Variants in BTN2A2 observed in about 807,000 individuals in gnomAD.
The protein encoded by BTN2A2 is butyrophilin subfamily 2 member A2.
In BTN2A2, 29 loss-of-function variants were observed where a neutral mutation model predicts 34.7. That is an observed-to-expected ratio of 0.84 (90% confidence interval 0.62 to 1.14). The LOEUF is 1.14. BTN2A2 is among the 50% of genes most tolerant of loss of function. BTN2A2 has a pLI of 0.00. For synonymous variants in BTN2A2, 240 were observed against 253.1 expected, an observed-to-expected ratio of 0.95 and a Z score of 0.49; for missense variants, 612 against 651.5, an observed-to-expected ratio of 0.94 and a Z score of 0.66.
rs757721675 is a variant in BTN2A2 at position 26,383,910 on chromosome 6, T to TCTCA, written c.90_93dup (p.Ala32LeufsTer11). 1 of 1,613,650 alleles carries TCTCA rather than the reference T, an allele frequency of 6.2e-7. No homozygotes were observed. ...CTCCTTCTCAGCCTGTGTGCACTGGTCTCAGGTAGGGATGTGTGTCACTTG... is the reference window on the plus strand; with the variant it reads ...CTCCTTCTCAGCCTGTGTGCACTGGTCTCACTCAGGTAGGGATGTGTGTCACTTG... On this transcript the variant is annotated frameshift_variant, in exon 2 of 8. Transcript: ENST00000356709. LOFTEE classifies it high-confidence loss of function. The surrounding 1 kb of genome is among the most constrained non-coding windows in gnomAD (Gnocchi z 4.4).
chr6:26,393,690 T>C lies in BTN2A2; in HGVS notation c.*723T>C. The C allele has an allele frequency of 9.1e-6, 9 of 990,982 alleles. No individual in the cohort carries two copies. Among genetic ancestry groups the C allele is most frequent in the Non-Finnish European group, 1.1e-5 (9 of 833,612 alleles). The allele number at this position is 990,982 out of a possible 1,614,324, so 61.4% of individuals were successfully genotyped here. A position where few individuals can be genotyped will look rare whatever the true frequency, so the allele number is the denominator to read the frequency against. On this transcript the variant is annotated 3_prime_UTR_variant, in exon 8 of 8. Transcript: ENST00000356709. Reference sequence around the variant, plus strand: ...TGAGTGTGGTTGAGGTTTGAGGTCCTGGTCGAGCAGGGCAGTACTGGACCA... The same window carrying C: ...TGAGTGTGGTTGAGGTTTGAGGTCCCGGTCGAGCAGGGCAGTACTGGACCA...
chr6:26,394,133 T>G lies in BTN2A2; in HGVS notation c.*1166T>G. On this transcript the variant is annotated 3_prime_UTR_variant, in exon 8 of 8. Transcript: ENST00000356709. ...ACTTTACTGCACACTACTGAGAGAATGAGATGAAAAACGATTAATGTTTCA... is the reference window on the plus strand; with the variant it reads ...ACTTTACTGCACACTACTGAGAGAAGGAGATGAAAAACGATTAATGTTTCA... The G allele has an allele frequency of 1.8e-6, 1 of 565,758 alleles. No individual in the cohort carries two copies. The allele number at this position is 565,758 out of a possible 1,614,324, so 35.0% of individuals were successfully genotyped here.
At chr6:26,392,148 C>T (rs565126147) in intron 7 of BTN2A2, 41 of 1,387,366 alleles carry the variant, frequency 3.0e-5, no homozygotes, top group Non-Finnish European at 4.0e-5. Flanking sequence ...TTTCATAGAG[C>T]CACAATTCTT....
chr6:26,386,389 G>T (rs142310458), intron 3 of BTN2A2, among the ~76,000 whole-genome samples: 3 of 152,186 alleles, frequency 2.0e-5, no homozygotes, highest in African/African-American at 7.2e-5. Context: ...AGAATAATTC[G>T]TGGTGACATT....
In BTN2A2 at chr6:26,383,799, G is replaced by A; in HGVS notation, c.-23G>A. 6.2e-7 allele frequency: 1 copy of A among 1,611,630 alleles called. No individual in the cohort carries two copies. On this transcript the variant is annotated 5_prime_UTR_variant, in exon 2 of 8. Coordinates refer to ENST00000356709, the MANE Select transcript of BTN2A2 (RefSeq NM_006995.5). The surrounding 1 kb of genome is among the most constrained non-coding windows in gnomAD (Gnocchi z 4.4). ...CCTCCTCTGTAACCCTAGGCCTCTG[G>A]TCTCTGCCTGCCCTGGGTGCTCATG... is the stretch of plus-strand genomic sequence containing the variant.
intron 3 of BTN2A2, 46 bp from the exon 4 acceptor site, chr6:26,387,967 C>A: frequency 6.4e-7 from 1 of 1,571,310 alleles, no homozygotes; most frequent in Non-Finnish European, 8.6e-7. Context: ...GCAGTAGGGG[C>A]TAAGATACCA....
rs111615265 is a variant in BTN2A2 at position 26,392,774 on chromosome 6, A to G, written c.1379A>G (p.Tyr460Cys). ...TATGAAGCTGGAGATGTCTCCTTCT[A>G]CAACATGAGGGACAGATCGCACATC... ...LDYEAGDVSF[Y>C]NMRDRSHIYT... Residue 460 changes from tyrosine (Y) to cysteine (C), a missense_variant, in exon 8 of 8, where the codon TAC becomes TGC. Coordinates refer to ENST00000356709, the MANE Select transcript of BTN2A2 (RefSeq NM_006995.5). The G allele has an allele frequency of 7.0e-4, 1,131 of 1,613,762 alleles. 6 individuals carry two copies. In the African/African-American group the frequency reaches 9.2e-3, roughly 13 times the overall value.
chr6:26,383,680 T>C lies in BTN2A2; in HGVS notation c.-30-112T>C. 1 of 764,718 alleles carries C rather than the reference T, an allele frequency of 1.3e-6. No individual in the cohort carries two copies. Among genetic ancestry groups the C allele is most frequent in the Non-Finnish European group, 2.3e-6 (1 of 443,354 alleles). 47.4% of individuals were successfully genotyped at this position (764,718 alleles called of 1,614,324 possible). On this transcript the variant is annotated intron_variant, in intron 1 of 7. Transcript: ENST00000356709. This position sits in a 1 kb window ranked among gnomAD's most constrained non-coding sequence, Gnocchi z 4.4. Reference sequence around the variant, plus strand: ...ACCTGAGCCTTGAGATGCAAGCGACTCCCAGAAGTTGGGGCACCGATGAGA... The same window carrying C: ...ACCTGAGCCTTGAGATGCAAGCGACCCCCAGAAGTTGGGGCACCGATGAGA...
In BTN2A2 at chr6:26,393,075, A is replaced by T; in HGVS notation, c.*108A>T. ...CGCCCTCCTCCCCTCTGGTCACGTA[A>T]GAGAACATCTTCCAGCTGCCTTTTT... On this transcript the variant is annotated 3_prime_UTR_variant, in exon 8 of 8. Coordinates refer to ENST00000356709, the MANE Select transcript of BTN2A2 (RefSeq NM_006995.5). 1 of 1,611,320 alleles carries T rather than the reference A, an allele frequency of 6.2e-7. No individual in the cohort carries two copies. Among genetic ancestry groups the T allele is most frequent in the Non-Finnish European group, 8.5e-7 (1 of 1,178,598 alleles).
chr6:26,386,297 C>T (rs1212721873), intron 3 of BTN2A2, among the ~76,000 whole-genome samples: 2 of 152,104 alleles, frequency 1.3e-5, no homozygotes, highest in Non-Finnish European at 2.9e-5. Context: ...AAAAGTGACA[C>T]TAAGTGATTA....
chr6:26,390,699 A>G lies in BTN2A2; in HGVS notation c.944A>G (p.Glu315Gly), dbSNP rs1028842172. ...EEKEIAQQLQ[E>G]ELRWRRTFLH... ...ATTTTGTTTTCAGAGCAACTTCAAGAAGAATTGCGTAAGTTTAGCCTTTCC... is the reference window on the plus strand; with the variant it reads ...ATTTTGTTTTCAGAGCAACTTCAAGGAGAATTGCGTAAGTTTAGCCTTTCC... The change falls in exon 6 of 8, where the codon GAA becomes GGA. Residue 315 changes from glutamate to glycine, a missense_variant. By Grantham distance (98) the Glu-to-Gly change is moderately conservative. Transcript: ENST00000356709. The G allele has an allele frequency of 6.2e-7, 1 of 1,614,128 alleles. No homozygotes were observed. Among genetic ancestry groups the G allele is most frequent in the African/African-American group, 1.3e-5 (1 of 74,932 alleles).
chr6:26,394,440 A>G lies in BTN2A2; in HGVS notation c.*1473A>G. ...CTTCTGTTGGCTGGGTGCCCAATAC[A>G]ACAAAAAGGCAGAGGAAAGGCAAAT... On this transcript the variant is annotated 3_prime_UTR_variant, in exon 8 of 8. Transcript: ENST00000356709. 1.6e-6 allele frequency: 1 copy of G among 644,234 alleles called. No individual in the cohort carries two copies. The highest frequency in any genetic ancestry group is 1.8e-5 in the African/African-American group (1 of 55,762). The allele number at this position is 644,234 out of a possible 1,614,324, so 39.9% of individuals were successfully genotyped here.
rs1374364031 is a variant in BTN2A2 at position 26,383,480 on chromosome 6, C to T, written c.-31+299C>T. The T allele has an allele frequency of 3.8e-6, 1 of 264,208 alleles. No individual in the cohort carries two copies. 16.4% of individuals were successfully genotyped at this position (264,208 alleles called of 1,614,324 possible). A position where few individuals can be genotyped will look rare whatever the true frequency, so the allele number is the denominator to read the frequency against. On this transcript the variant is annotated intron_variant, in intron 1 of 7. Transcript: ENST00000356709. This position sits in a 1 kb window ranked among gnomAD's most constrained non-coding sequence, Gnocchi z 4.4. ...CCTGGCTTTACCTCGAGTGTCCCGA[C>T]CTGGGTCTCGGGGAGGGGGAAGTGG...
In BTN2A2 at chr6:26,387,582, AAG is replaced by A. The variant is rs768951001; in HGVS notation, c.443-429_443-428del. ...CCCATCTCTACAAAAAAAAAAAAAA[AAG>A]AAAGAAAGGAAAAAAAGCTTCTGCC... On this transcript the variant is annotated intron_variant, in intron 3 of 7. Coordinates refer to ENST00000356709, the MANE Select transcript of BTN2A2 (RefSeq NM_006995.5). 1.5e-3 allele frequency among the ~76,000 whole-genome samples: 120 copies of A among 81,318 alleles called. 1 individual carries two copies. Among genetic ancestry groups the A allele is most frequent in the Middle Eastern group, 0.011 (2 of 188 alleles). The allele number at this position is 81,318 out of a possible 152,430, so 53.3% of individuals were successfully genotyped here.
At chr6:26,386,030 C>T (rs1761181720) in intron 3 of BTN2A2, among the ~76,000 whole-genome samples, 1 of 152,152 alleles carries the variant, frequency 6.6e-6, no homozygotes, top group Non-Finnish European at 1.5e-5. Flanking sequence ...AAGAACTGCC[C>T]AGAGAACTAT....
At chr6:26,386,270 A>T (rs966938903) in intron 3 of BTN2A2, among the ~76,000 whole-genome samples, 1 of 152,164 alleles carries the variant, frequency 6.6e-6, no homozygotes, top group Admixed American at 6.5e-5. Context: ...TTAAACTGGG[A>T]TTTCTAATAG....
At position 26,390,154 on chromosome 6, in the gene BTN2A2, GA is replaced by G; in HGVS notation, c.881del (p.Lys294ArgfsTer56). ...SICCIKKLQR[E>X]KKILSGEKKV... ...CTGTTGCATCAAGAAACTTCAAAGG[GA>G]AAAAAAGATTCTGTCAGGGGAAAAG... On this transcript the variant is annotated frameshift_variant, in exon 5 of 8. Transcript: ENST00000356709. LOFTEE classifies it high-confidence loss of function. The G allele has an allele frequency of 1.9e-6, 3 of 1,613,694 alleles. No homozygotes were observed. The highest frequency in any genetic ancestry group is 2.2e-5 in the East Asian group (1 of 44,878).
chr6:26,390,114 C>A lies in BTN2A2; in HGVS notation c.834C>A (p.Phe278Leu). Reference protein sequence around the residue: ...MTVILAVFIIFMAVSICCIKK... With the variant: ...MTVILAVFIILMAVSICCIKK... ...TCATCCTGGCTGTTTTCATCATCTT[C>A]ATGGCTGTCAGCATCTGTTGCATCA... The change falls in exon 5 of 8, where the codon TTC becomes TTA. Residue 278 changes from phenylalanine (F) to leucine (L), a missense_variant. Transcript: ENST00000356709. 6.2e-7 allele frequency: 1 copy of A among 1,614,066 alleles called. No homozygotes were observed. Among genetic ancestry groups the A allele is most frequent in the Non-Finnish European group, 8.5e-7 (1 of 1,180,028 alleles).
At chr6:26,388,374 G>A in intron 4 of BTN2A2, 80 bp downstream of exon 4, 4 of 1,534,396 alleles carry the variant, frequency 2.6e-6, no homozygotes, top group African/African-American at 2.7e-5. Flanking sequence ...CGGGAATGGG[G>A]GCAGCAGTGT....
Sources: gnomAD v4.1 joint callset for allele counts (sites outside exome capture counted in the v4.1 genomes callset) on GRCh38, gnomAD v4.1.1 for gene constraint, Gnocchi (gnomAD v3.1) non-coding constraint, MANE v1.5 for transcripts, NCBI Gene and HGNC (gene_info 2026-07-23, HGNC 2026-07-21) for gene names.